The following NCAM2 variants were observed in gnomAD, a reference collection of about 807,000 sequenced individuals.
The protein encoded by NCAM2 is N-CAM-2.
NCAM2 carries 30 observed loss-of-function variants against 98.1 expected under a neutral mutation model. The ratio of observed to expected loss-of-function variants is 0.31; its 90% CI spans 0.23 to 0.41. The LOEUF (loss-of-function observed/expected upper bound fraction) is 0.41, where lower values mean the gene tolerates loss of function less well. Ranked by LOEUF, NCAM2 falls within the 10% of genes least tolerant of loss-of-function variation. The probability of loss-of-function intolerance (pLI) is 1.00; values close to 1 mark genes in which losing one functional copy is unlikely to be tolerated. For missense variants in NCAM2, 867 were observed against 1,005.8 expected, an observed-to-expected ratio of 0.86 and a Z score of 1.87; for synonymous variants, 368 against 342.4, an observed-to-expected ratio of 1.07 and a Z score of -0.83.
rs189313870 is a variant in NCAM2, at chr21:21,380,789, A to G, written c.1195+6776A>G. Among the ~76,000 whole-genome samples the G allele has an allele frequency of 3.2e-3, 485 of 152,312 alleles. 11 individuals carry two copies. Among genetic ancestry groups the G allele is most frequent in the Admixed American group, 0.026 (401 of 15,288 alleles). ...ATGTCAACATCTTTACCTTGGTCGCAGCTGGTAATGTGTTTGCAGTTTCCG... is the reference window on the plus strand; with the variant it reads ...ATGTCAACATCTTTACCTTGGTCGCGGCTGGTAATGTGTTTGCAGTTTCCG... On this transcript the variant is annotated intron_variant, in intron 9 of 17. Transcript: ENST00000400546.
intron 15 of NCAM2, among the ~76,000 whole-genome samples, chr21:21,490,750 A>G (rs1034628227): frequency 6.6e-6 from 1 of 151,732 alleles, no homozygotes; most frequent in African/African-American, 2.4e-5. Context: ...CTTCTGTTTT[A>G]AAGTACTTCT....
intron 1 of NCAM2, among the ~76,000 whole-genome samples, chr21:21,123,848 C>CTTTT (rs71193401): frequency 0.074 from 6,334 of 85,902 alleles, 915 homozygotes; most frequent in Middle Eastern, 0.16. Context: ...TTCTTGATTG[C>CTTTT]TTTTTTTTTT....
At chr21:21,252,144 A>T (rs1258665941) in intron 1 of NCAM2, among the ~76,000 whole-genome samples, 2 of 152,254 alleles carry the variant, frequency 1.3e-5, no homozygotes, top group East Asian at 3.9e-4. Flanking sequence ...TCAAAACCAC[A>T]ATGAGATACC....
At chr21:21,272,934 TCACACACACACACACA>T (rs61235726) in intron 1 of NCAM2, among the ~76,000 whole-genome samples, 1 of 124,788 alleles carries the variant, frequency 8.0e-6, no homozygotes, top group Non-Finnish European at 1.6e-5. Flanking sequence ...GGACATGCAT[TCACACACACACACACA>T]CACACACACA....
chr21:21,167,483 T>C (rs906389226), intron 1 of NCAM2, among the ~76,000 whole-genome samples: 2 of 151,892 alleles, frequency 1.3e-5, no homozygotes, highest in African/African-American at 4.8e-5. Flanking sequence ...ATAAAACAAA[T>C]ACATCAATGA....
chr21:21,338,321 C>T, intron 7 of NCAM2, 68 bp from the exon 8 acceptor site: 1 of 1,438,006 alleles, frequency 7.0e-7, no homozygotes, highest in Non-Finnish European at 9.7e-7. Context: ...AAACACCCAT[C>T]ATGACTTTTG....
intron 5 of NCAM2, among the ~76,000 whole-genome samples, chr21:21,307,939 T>TA (rs1481498781): frequency 2.6e-5 from 4 of 152,086 alleles, no homozygotes; most frequent in African/African-American, 9.7e-5. Context: ...TCTGTAACTT[T>TA]AAAAAACACC....
chr21:21,242,743 CTTAG>C, intron 1 of NCAM2, among the ~76,000 whole-genome samples: 1 of 152,254 alleles, frequency 6.6e-6, no homozygotes, highest in Admixed American at 6.5e-5. Flanking sequence ...ATGATGGACA[CTTAG>C]TTTGTTTCCA....
At chr21:21,253,010 T>C (rs1415257362) in intron 1 of NCAM2, among the ~76,000 whole-genome samples, 2 of 152,182 alleles carry the variant, frequency 1.3e-5, no homozygotes, top group African/African-American at 4.8e-5. Context: ...TCTCATTCCA[T>C]GTGTTTTTTA....
At chr21:21,166,168 G>A (rs1386399432) in intron 1 of NCAM2, among the ~76,000 whole-genome samples, 3 of 152,150 alleles carry the variant, frequency 2.0e-5, no homozygotes, top group Non-Finnish European at 4.4e-5. Context: ...ATTATAACCT[G>A]GAGCGCCTTT....
intron 15 of NCAM2, among the ~76,000 whole-genome samples, chr21:21,480,366 CAAAAAAAAAAA>C (rs59203448): frequency 2.9e-5 from 2 of 69,948 alleles, no homozygotes; most frequent in East Asian, 6.8e-4. Flanking sequence ...GACTCCATCT[CAAAAAAAAAAA>C]AAAAAAAAAA....
chr21:21,449,135 A>G (rs930260196), intron 12 of NCAM2, among the ~76,000 whole-genome samples: 2 of 152,068 alleles, frequency 1.3e-5, no homozygotes, highest in African/African-American at 4.8e-5. Context: ...GGTCTCTGCT[A>G]TATGTTAAGG....
At chr21:21,531,641 A>T (rs1013701140) in intron 16 of NCAM2, among the ~76,000 whole-genome samples, 1 of 152,130 alleles carries the variant, frequency 6.6e-6, no homozygotes, top group Middle Eastern at 3.2e-3. Context: ...CAGTCTATAC[A>T]TTGTGAAACT....
At chr21:21,301,122 G>C (rs1258908348) in intron 5 of NCAM2, among the ~76,000 whole-genome samples, 1 of 151,874 alleles carries the variant, frequency 6.6e-6, no homozygotes, top group Non-Finnish European at 1.5e-5. Flanking sequence ...TCCCTTAGAG[G>C]CTCTAGATAT....
chr21:21,415,201 C>A (rs1339265534), intron 10 of NCAM2, among the ~76,000 whole-genome samples: 1 of 152,072 alleles, frequency 6.6e-6, no homozygotes, highest in Non-Finnish European at 1.5e-5. Flanking sequence ...GAAGTTTGAA[C>A]CCTGCCCTTT....
chr21:21,302,774 C>T (rs1009817919), intron 5 of NCAM2, among the ~76,000 whole-genome samples: 2 of 152,092 alleles, frequency 1.3e-5, no homozygotes, highest in South Asian at 4.1e-4. Context: ...GAATATAGAT[C>T]ATTATACCAA....
chr21:21,490,835 C>T (rs1986791240), intron 15 of NCAM2, among the ~76,000 whole-genome samples: 1 of 151,732 alleles, frequency 6.6e-6, no homozygotes, highest in African/African-American at 2.4e-5. Context: ...GTATTGTCCT[C>T]AGTATCATCT....
At chr21:21,134,217 C>T (rs911486027) in intron 1 of NCAM2, among the ~76,000 whole-genome samples, 4 of 151,976 alleles carry the variant, frequency 2.6e-5, no homozygotes, top group South Asian at 2.1e-4. Flanking sequence ...TACAAGTGCA[C>T]GCCACCATGC....
chr21:21,279,638 T>C (rs1242030801), intron 1 of NCAM2, among the ~76,000 whole-genome samples: 1 of 152,194 alleles, frequency 6.6e-6, no homozygotes, highest in Non-Finnish European at 1.5e-5. Flanking sequence ...ATTACAGGCG[T>C]GGTCGTTATC....
Sources: allele counts gnomAD v4.1 joint callset (sites outside exome capture counted in the v4.1 genomes callset), GRCh38; gene constraint gnomAD v4.1.1; transcripts MANE v1.5; gene names NCBI Gene and HGNC (gene_info 2026-07-23, HGNC 2026-07-21).